Variants in SLC18A1 observed in about 807,000 individuals in gnomAD.
SLC18A1 encodes solute carrier family 18 member A1.
A neutral mutation model predicts 53.7 loss-of-function variants in SLC18A1; 69 were observed. The observed-to-expected ratio is 1.28, with a 90% CI of 1.06 to 1.57. SLC18A1 has a LOEUF of 1.57. Among genes scored for constraint, SLC18A1 ranks in the 40% most tolerant of loss-of-function variants. The probability of loss-of-function intolerance (pLI) is 0.00; values close to 1 mark genes in which losing one functional copy is unlikely to be tolerated. For missense variants in SLC18A1, 932 were observed against 668.1 expected (o/e 1.40, Z -4.35); for synonymous variants, 320 against 248.1 (o/e 1.29, Z -2.72).
At position 20,180,950 on chromosome 8, in the gene SLC18A1, A is replaced by G; in HGVS notation, c.15T>C (p.Ile5=). The G allele has an allele frequency of 3.2e-6, 5 of 1,582,422 alleles. No individual in the cohort carries two copies. Among genetic ancestry groups the G allele is most frequent in the Non-Finnish European group, 4.3e-6 (5 of 1,165,190 alleles). Residue 5 remains isoleucine, a synonymous_variant, in exon 2 of 16, where the codon ATT becomes ATC. Transcript: ENST00000276373. MLRT[I]LDAPQRLLKE... ...TCAGCAACCGCTGGGGAGCATCCAG[A>G]ATGGTCCGGAGCATGGTGATGGCCG... is the stretch of plus-strand genomic sequence containing the variant.
intron 10 of SLC18A1, among the ~76,000 whole-genome samples, chr8:20,164,366 G>A (rs1296360947): frequency 6.6e-6 from 1 of 152,096 alleles, no homozygotes; most frequent in South Asian, 2.1e-4. Context: ...GATAACCAAA[G>A]GGTAGTCTTG....
At chr8:20,146,178 G>T (rs1157024301) in intron 15 of SLC18A1, among the ~76,000 whole-genome samples, 13 of 152,130 alleles carry the variant, frequency 8.5e-5, no homozygotes, top group Non-Finnish European at 1.5e-5. Flanking sequence ...GCCTCCTAAA[G>T]TGCTGGGATT....
In SLC18A1 at chr8:20,171,103, C is replaced by G. The variant is rs1239630033; in HGVS notation, c.858G>C (p.Glu286Asp). Residue 286 changes from glutamate to aspartate, a missense_variant and splice_region_variant, in exon 8 of 16, where the codon GAG becomes GAC. By Grantham distance (45) the Glu-to-Asp change is conservative. Transcript: ENST00000276373. ...CILQPSKVSP[E>D]SAKGTPLFML... Reference sequence around the variant, plus strand: ...GAAATGGAGCTTTGTGTCTGCTTACCTCAGGAGAGACTTTGGAAGGCTGTA... The same window carrying G: ...GAAATGGAGCTTTGTGTCTGCTTACGTCAGGAGAGACTTTGGAAGGCTGTA... 2 of 1,614,086 alleles carry G rather than the reference C, an allele frequency of 1.2e-6. No homozygotes were observed. Among genetic ancestry groups the G allele is most frequent in the South Asian group, 1.1e-5 (1 of 91,086 alleles).
At chr8:20,166,331 A>G (rs1281739075) in intron 8 of SLC18A1, among the ~76,000 whole-genome samples, 3 of 63,490 alleles carry the variant, frequency 4.7e-5, no homozygotes, top group African/African-American at 8.3e-5. Context: ...ATATATATAT[A>G]CACCACCAGG....
chr8:20,148,944 G>C (rs1265388603), intron 12 of SLC18A1, among the ~76,000 whole-genome samples: 1 of 152,150 alleles, frequency 6.6e-6, no homozygotes, highest in Non-Finnish European at 1.5e-5. Context: ...TGAGGATGCT[G>C]AGCACACGGA....
At chr8:20,156,648 TCTTCTTCTTTTAGGAAAAAGGCA>T (rs1342563784) in intron 10 of SLC18A1, among the ~76,000 whole-genome samples, 3 of 152,232 alleles carry the variant, frequency 2.0e-5, no homozygotes, top group Admixed American at 6.5e-5. Flanking sequence ...TTCTCCTTGC[TCTTCTTCTTTTAGGAAAAAGGCA>T]CACAGGATAA....
chr8:20,149,631 T>C (rs1282461694), intron 12 of SLC18A1, 45 bp downstream of exon 12: 1 of 1,500,318 alleles, frequency 6.7e-7, no homozygotes, highest in African/African-American at 1.4e-5. Context: ...TGTCTGTCTC[T>C]CGCTCTCTCT....
intron 6 of SLC18A1, among the ~76,000 whole-genome samples, chr8:20,172,048 G>A (rs2072136015): frequency 6.6e-6 from 1 of 152,228 alleles, no homozygotes; most frequent in South Asian, 2.1e-4. Context: ...TGCGGCCTAT[G>A]GAGAAACATC....
Position 20,147,284 on chromosome 8 carries a change from T to A in SLC18A1, c.1438A>T (p.Ser480Cys). Reference sequence around the variant, plus strand: ...AGCTTCTCTTCCTTTGCCGGGGGGCTCCGCAGGTAGTAGCAGAGTGGAGCA... The same window carrying A: ...AGCTTCTCTTCCTTTGCCGGGGGGCACCGCAGGTAGTAGCAGAGTGGAGCA... ...VYAPLCYYLR[S>C]PPAKEEKLAI... Residue 480 changes from serine to cysteine, a missense_variant, in exon 15 of 16, where the codon AGC (serine) becomes TGC (cysteine). By Grantham distance (112) the Ser-to-Cys change is moderately radical. Transcript: ENST00000276373. 6.2e-7 allele frequency: 1 copy of A among 1,608,338 alleles called. No individual in the cohort carries two copies. The highest frequency in any genetic ancestry group is 8.5e-7 in the Non-Finnish European group (1 of 1,178,476).
intron 5 of SLC18A1, among the ~76,000 whole-genome samples, chr8:20,173,795 G>C (rs1054897927): frequency 6.6e-6 from 1 of 152,082 alleles, no homozygotes; most frequent in African/African-American, 2.4e-5. Flanking sequence ...TTCACTGGAG[G>C]CTTGCTCTGA....
At chr8:20,155,881 G>A (rs2071670338) in intron 10 of SLC18A1, among the ~76,000 whole-genome samples, 1 of 152,188 alleles carries the variant, frequency 6.6e-6, no homozygotes, top group South Asian at 2.1e-4. Flanking sequence ...AACATGGGCA[G>A]TTATGTGGGA....
Position 20,171,172 on chromosome 8 carries a change from T to A in SLC18A1, c.815-26A>T, listed in dbSNP as rs1216357249. On this transcript the variant is annotated intron_variant, in intron 7 of 15. Transcript: ENST00000276373. The stretch of plus-strand genomic sequence containing the variant: ...CTAAGAAACAAAGAAGGTGAGACAG[T>A]TCAGCGTGTCTACTGATTAGCTGGG... 4.3e-6 allele frequency: 7 copies of A among 1,613,774 alleles called. No individual in the cohort carries two copies. The Admixed American group carries it at 6.7e-5, about 15-fold the overall frequency.
chr8:20,149,273 T>C (rs537909504), intron 12 of SLC18A1, among the ~76,000 whole-genome samples: 2 of 152,238 alleles, frequency 1.3e-5, no homozygotes, highest in East Asian at 3.9e-4. Flanking sequence ...TTTATGAGGC[T>C]CTGTCAGGGT....
At chr8:20,166,587 G>A (rs999380883) in intron 8 of SLC18A1, among the ~76,000 whole-genome samples, 1 of 151,390 alleles carries the variant, frequency 6.6e-6, no homozygotes, top group African/African-American at 2.4e-5. Context: ...GAGGGGGAGG[G>A]TTAGAAAGAC....
rs750892985 is a variant in SLC18A1, at chr8:20,180,893, C to G, written c.72G>C (p.Leu24=). The change falls in exon 2 of 16, where the codon CTG becomes CTC. Residue 24 remains leucine, a synonymous_variant. Coordinates refer to ENST00000276373, the MANE Select transcript of SLC18A1 (RefSeq NM_003053.4). ...KEGRASRQLV[L]VVVFVALLLD... Reference sequence around the variant, plus strand: ...GGAGCAAAGCGACGAATACCACCACCAGCACCAGCTGCCGGGACGCTCTCC... The same window carrying G: ...GGAGCAAAGCGACGAATACCACCACGAGCACCAGCTGCCGGGACGCTCTCC... 6.2e-7 allele frequency: 1 copy of G among 1,613,716 alleles called. No individual in the cohort carries two copies. Among genetic ancestry groups the G allele is most frequent in the Non-Finnish European group, 8.5e-7 (1 of 1,179,882 alleles).
intron 10 of SLC18A1, among the ~76,000 whole-genome samples, chr8:20,153,266 G>T (rs2071604425): frequency 6.6e-6 from 1 of 152,146 alleles, no homozygotes; most frequent in Admixed American, 6.5e-5. Flanking sequence ...CAAGGAGTAG[G>T]CAACAAGATA....
chr8:20,150,733 A>G lies in SLC18A1; in HGVS notation c.1027T>C (p.Leu343=). The part of the protein sequence containing the change: ...SPKWQLGLAF[L]PASVSYLIGT... The stretch of plus-strand genomic sequence containing the variant: ...ATGAGGTAGGACACACTGGCAGGCA[A>G]GAAAGCTAGACCTGTGGAAGGACAC... Residue 343 remains leucine (L), a synonymous_variant, in exon 11 of 16, where the codon TTG becomes CTG. Coordinates refer to ENST00000276373, the MANE Select transcript of SLC18A1 (RefSeq NM_003053.4). 2 of 1,614,142 alleles carry G rather than the reference A, an allele frequency of 1.2e-6. No homozygotes were observed. The highest frequency in any genetic ancestry group is 1.7e-6 in the Non-Finnish European group (2 of 1,179,962).
chr8:20,171,268 T>C, intron 7 of SLC18A1, 122 bp from the exon 8 acceptor site: 2 of 1,346,360 alleles, frequency 1.5e-6, no homozygotes, highest in Non-Finnish European at 1.1e-6. Flanking sequence ...TCTTCTTTCT[T>C]TTCTACAACG....
At chr8:20,146,868 G>C (rs923686089) in intron 15 of SLC18A1, among the ~76,000 whole-genome samples, 5 of 150,934 alleles carry the variant, frequency 3.3e-5, no homozygotes, top group African/African-American at 1.2e-4. Context: ...TGTTGCACTA[G>C]AGTGAATGAG....
Sources: allele counts gnomAD v4.1 joint callset (sites outside exome capture counted in the v4.1 genomes callset), GRCh38; gene constraint gnomAD v4.1.1; transcripts MANE v1.5; gene names NCBI Gene and HGNC (gene_info 2026-07-23, HGNC 2026-07-21).